Variants in ABCC11 observed in about 807,000 individuals in gnomAD.
The protein encoded by ABCC11 is ATP-binding cassette sub-family C member 11.
Under a neutral mutation model 149.3 loss-of-function variants are expected in ABCC11, and 135 were observed. That is an observed-to-expected ratio of 0.90 (90% CI 0.79 to 1.04). The LOEUF (loss-of-function observed/expected upper bound fraction) is 1.04, where lower values mean the gene tolerates loss of function less well. Among genes scored for constraint, ABCC11 ranks in the 50% least tolerant of loss-of-function variants. The probability of loss-of-function intolerance (pLI) is 0.00; values close to 1 mark genes in which losing one functional copy is unlikely to be tolerated. For synonymous variants in ABCC11, 665 were observed against 671.4 expected, an observed-to-expected ratio of 0.99 and a Z score of 0.15; for missense variants, 1,680 against 1,722.1, an observed-to-expected ratio of 0.98 and a Z score of 0.43.
intron 27 of ABCC11, 41 bp from the exon 28 acceptor site, chr16:48,170,259 C>A: frequency 6.5e-7 from 1 of 1,542,078 alleles, no homozygotes; most frequent in Non-Finnish European, 9.0e-7. Flanking sequence ...CTGGAAGCCA[C>A]TGTGGGGTGA....
intron 1 of ABCC11, among the ~76,000 whole-genome samples, chr16:48,238,803 G>C (rs1483177493): frequency 6.6e-6 from 1 of 151,682 alleles, no homozygotes; most frequent in Non-Finnish European, 1.5e-5. Context: ...CAGGCTTGGT[G>C]GTGGGAACCT....
chr16:48,230,713 G>A (rs540760192), intron 2 of ABCC11, 140 bp from the exon 3 acceptor site: 1 of 1,029,426 alleles, frequency 9.7e-7, no homozygotes, highest in East Asian at 2.8e-5. Context: ...CCGAGAATAA[G>A]CAGGGGACCG....
chr16:48,245,394 GA>G (rs1971310464), intron 1 of ABCC11, among the ~76,000 whole-genome samples: 1 of 152,130 alleles, frequency 6.6e-6, no homozygotes, highest in South Asian at 2.1e-4. Context: ...CTGCAATTTG[GA>G]AACTGACAGC....
At position 48,166,011 on chromosome 16, in the gene ABCC11, C is replaced by T. The variant is rs780917122; in HGVS notation, c.*1263G>A. Among the ~76,000 whole-genome samples, 6 of 152,318 alleles carry T rather than the reference C, an allele frequency of 3.9e-5. No individual in the cohort carries two copies. Among genetic ancestry groups the T allele is most frequent in the Middle Eastern group, 3.4e-3 (1 of 294 alleles). ...CAGTTGTCATACGTTGTAAGTTATGCTGCTCTTCAGTAAACAATCATAGTA... is the reference window on the plus strand; with the variant it reads ...CAGTTGTCATACGTTGTAAGTTATGTTGCTCTTCAGTAAACAATCATAGTA... On this transcript the variant is annotated 3_prime_UTR_variant, in exon 30 of 30. Transcript: ENST00000356608.
chr16:48,192,679 G>T lies in ABCC11; in HGVS notation c.2547C>A (p.Asp849Glu). 3.1e-6 allele frequency: 5 copies of T among 1,614,208 alleles called. No homozygotes were observed. The highest frequency in any genetic ancestry group is 4.2e-6 in the Non-Finnish European group (5 of 1,180,044). Residue 849 changes from aspartate to glutamate, a missense_variant, in exon 20 of 30, where the codon GAC becomes GAA. Coordinates refer to ENST00000356608, the MANE Select transcript of ABCC11 (RefSeq NM_001370497.1). The part of the protein sequence containing the change: ...SSRESNGTMA[D>E]LGNIADNPQL... Reference sequence around the variant, plus strand: ...GAGGATTGTCTGCAATGTTGCCCAGGTCTGCCATGGTTCCATTGCTCTCTC... The same window carrying T: ...GAGGATTGTCTGCAATGTTGCCCAGTTCTGCCATGGTTCCATTGCTCTCTC...
chr16:48,167,452 C>T (rs529982468), intron 29 of ABCC11, 44 bp downstream of exon 29: 2 of 1,612,522 alleles, frequency 1.2e-6, no homozygotes, highest in African/African-American at 2.7e-5. Context: ...GGGGTAGCAG[C>T]CTGAGCCCTC....
At chr16:48,187,161 G>C in intron 21 of ABCC11, 40 bp downstream of exon 21, 1 of 1,613,518 alleles carries the variant, frequency 6.2e-7, no homozygotes, top group East Asian at 2.2e-5. Context: ...GTTGGTCCCA[G>C]CCTTGCTCCC....
chr16:48,210,908 C>G, intron 11 of ABCC11, 40 bp downstream of exon 11: 1 of 1,601,348 alleles, frequency 6.2e-7, no homozygotes, highest in Non-Finnish European at 8.5e-7. Flanking sequence ...GTCCTGAGAG[C>G]CTGGCAGCTG....
At chr16:48,219,821 A>C (rs1039812708) in intron 6 of ABCC11, among the ~76,000 whole-genome samples, 11 of 152,108 alleles carry the variant, frequency 7.2e-5, no homozygotes, top group Non-Finnish European at 1.3e-4. Context: ...TCTCTACTAA[A>C]AATACAAAAA....
At chr16:48,169,046 TTAAAG>T (rs1396315426) in intron 28 of ABCC11, among the ~76,000 whole-genome samples, 5 of 152,196 alleles carry the variant, frequency 3.3e-5, no homozygotes, top group Non-Finnish European at 7.3e-5. Context: ...ATCCCAGAAC[TTAAAG>T]TAAATTTAAA....
At chr16:48,238,659 C>T (rs190970974) in intron 1 of ABCC11, among the ~76,000 whole-genome samples, 16 of 152,068 alleles carry the variant, frequency 1.1e-4, no homozygotes, top group African/African-American at 3.6e-4. Context: ...AAAACTAGGC[C>T]GGGCGCGGTG....
At chr16:48,179,808 C>G (rs1966313862) in intron 23 of ABCC11, among the ~76,000 whole-genome samples, 2 of 152,178 alleles carry the variant, frequency 1.3e-5, no homozygotes, top group Non-Finnish European at 2.9e-5. Flanking sequence ...ATGCAGTGGA[C>G]TAAAGATGGG....
intron 20 of ABCC11, among the ~76,000 whole-genome samples, chr16:48,189,110 T>C (rs1267431754): frequency 6.6e-6 from 1 of 152,246 alleles, no homozygotes; most frequent in Non-Finnish European, 1.5e-5. Flanking sequence ...CCCTTCAATT[T>C]TATTTCCAGA....
chr16:48,200,096 C>T (rs987668599), intron 15 of ABCC11, among the ~76,000 whole-genome samples, 180 bp downstream of exon 15: 3 of 152,152 alleles, frequency 2.0e-5, no homozygotes, highest in South Asian at 2.1e-4. Flanking sequence ...AGTCTGTTTG[C>T]TTTGTGTGGA....
rs1353483619 is a variant in ABCC11 at position 48,227,821 on chromosome 16, TCTGAGGCATCATGGA to T, written c.365_379del (p.Val122_Ser126del). Reference sequence around the variant, plus strand: ...GCAGCTTCACCTTTGGACATTTTTGTCTGAGGCATCATGGACTGACAGTGGAGGGATGGTGTTCTC... The same window carrying T: ...GCAGCTTCACCTTTGGACATTTTTGTCTGACAGTGGAGGGATGGTGTTCTC... On this transcript the variant is annotated inframe_deletion, in exon 4 of 30. Transcript: ENST00000356608. The T allele has an allele frequency of 1.2e-6, 2 of 1,614,098 alleles. No homozygotes were observed. Among genetic ancestry groups the T allele is most frequent in the South Asian group, 2.2e-5 (2 of 91,080 alleles).
At chr16:48,221,322 G>A (rs1325974255) in intron 6 of ABCC11, among the ~76,000 whole-genome samples, 3 of 151,994 alleles carry the variant, frequency 2.0e-5, no homozygotes, top group African/African-American at 7.3e-5. Flanking sequence ...GAGGCAATTG[G>A]TAAACCACAG....
chr16:48,238,307 G>A (rs555194626), intron 1 of ABCC11, among the ~76,000 whole-genome samples: 2 of 152,300 alleles, frequency 1.3e-5, no homozygotes, highest in South Asian at 4.1e-4. Context: ...TAAACACACA[G>A]TTCTGTCTGC....
chr16:48,217,600 TAAAA>T (rs1013084289), intron 6 of ABCC11, among the ~76,000 whole-genome samples: 4 of 152,134 alleles, frequency 2.6e-5, no homozygotes, highest in African/African-American at 7.2e-5. Context: ...AGTCTCAAAA[TAAAA>T]ACAAAAACAC....
intron 6 of ABCC11, 68 bp downstream of exon 6, chr16:48,222,530 C>G: frequency 7.2e-7 from 1 of 1,383,036 alleles, no homozygotes; most frequent in East Asian, 2.3e-5. Flanking sequence ...CTCTTGGCCC[C>G]CAGGGCAGTT....
Sources: allele counts gnomAD v4.1 joint callset (sites outside exome capture counted in the v4.1 genomes callset), GRCh38; gene constraint gnomAD v4.1.1; transcripts MANE v1.5; gene names NCBI Gene and HGNC (gene_info 2026-07-23, HGNC 2026-07-21).